ERCC4: variants seen among roughly 807,000 people sequenced by gnomAD.
ERCC4 encodes DNA repair endonuclease XPF.
ERCC4 carries 65 observed loss-of-function variants against 76.9 expected under a neutral mutation model. The observed-to-expected ratio is 0.84, with a 90% CI of 0.69 to 1.04. The LOEUF (loss-of-function observed/expected upper bound fraction) is 1.04, where lower values mean the gene tolerates loss of function less well. Among genes scored for constraint, ERCC4 ranks in the 50% least tolerant of loss-of-function variants. The probability of loss-of-function intolerance (pLI) is 0.00; values close to 1 mark genes in which losing one functional copy is unlikely to be tolerated. For missense variants in ERCC4, 1,214 were observed against 1,128.2 expected (o/e 1.08, Z -1.09); for synonymous variants, 463 against 410.1 (o/e 1.13, Z -1.56).
rs2032602366 is a variant in ERCC4 at position 13,950,077 on chromosome 16, C to T, written c.*1730C>T. ...CTGGGTTCAAGCAGTTCTCCCACCTCAGCCTCCCAAGTAGCTGGGATTATA... is the reference window on the plus strand; with the variant it reads ...CTGGGTTCAAGCAGTTCTCCCACCTTAGCCTCCCAAGTAGCTGGGATTATA... On this transcript the variant is annotated 3_prime_UTR_variant, in exon 11 of 11. Transcript: ENST00000311895. 1.0e-5 allele frequency: 2 copies of T among 192,764 alleles called. No homozygotes were observed. The highest frequency in any genetic ancestry group is 8.3e-5 in the East Asian group (1 of 12,024). The allele number at this position is 192,764 out of a possible 1,614,324, so 11.9% of individuals were successfully genotyped here. A position where few individuals can be genotyped will look rare whatever the true frequency, so the allele number is the denominator to read the frequency against.
At position 13,952,257 on chromosome 16, in the gene ERCC4, C is replaced by A; in HGVS notation, c.*3910C>A. 1 of 187,274 alleles carries A rather than the reference C, an allele frequency of 5.3e-6. No homozygotes were observed. 11.6% of individuals were successfully genotyped at this position (187,274 alleles called of 1,614,324 possible). A position where few individuals can be genotyped will look rare whatever the true frequency, so the allele number is the denominator to read the frequency against. ...ATGCATAGTGAAAGGGCATATATTA[C>A]CAGCAGTAATAATTCAAAATCCTGA... is the stretch of plus-strand genomic sequence containing the variant. On this transcript the variant is annotated 3_prime_UTR_variant, in exon 11 of 11. Transcript: ENST00000311895.
In ERCC4 at chr16:13,947,754, C is replaced by G. The variant is rs2141619989; in HGVS notation, c.2158C>G (p.Pro720Ala). ...TLEVGDYILTPEMCVERKSIS... is the reference protein window; with the variant it reads ...TLEVGDYILTAEMCVERKSIS... ...AGAGGTTGGAGATTACATCCTCACT[C>G]CAGAAATGTGCGTGGAGCGCAAGAG... Residue 720 changes from proline (P) to alanine (A), a missense_variant, in exon 11 of 11, where the codon CCA (proline) becomes GCA (alanine). Physicochemically the swap from Pro to Ala is conservative, Grantham distance 27 (BLOSUM62 -1). Coordinates refer to ENST00000311895, the MANE Select transcript of ERCC4 (RefSeq NM_005236.3). The G allele has an allele frequency of 6.2e-7, 1 of 1,614,236 alleles. No individual in the cohort carries two copies. The highest frequency in any genetic ancestry group is 8.5e-7 in the Non-Finnish European group (1 of 1,180,052).
chr16:13,938,690 A>G (rs2032353633), intron 9 of ERCC4, among the ~76,000 whole-genome samples: 2 of 152,210 alleles, frequency 1.3e-5, no homozygotes, highest in African/African-American at 4.8e-5. Flanking sequence ...GCAAACTTCC[A>G]AGCCTCAGAC....
In ERCC4 at chr16:13,933,209, G is replaced by A. The variant is rs3136133; in HGVS notation, c.1102+924G>A. On this transcript the variant is annotated intron_variant, in intron 6 of 10. Transcript: ENST00000311895. ...TACTCCAGCCTGGGTGACAGAGTAC[G>A]ACTGTGTCTCAAAACTAATAAATAA... The A allele has an allele frequency of 1.5e-4, 26 of 170,804 alleles. No homozygotes were observed. The East Asian group carries it at 4.0e-3, about 26-fold the overall frequency. 10.6% of individuals were successfully genotyped at this position (170,804 alleles called of 1,614,324 possible).
intron 4 of ERCC4, 126 bp downstream of exon 4, chr16:13,928,361 A>T (rs1281789076): frequency 1.9e-5 from 13 of 692,826 alleles, no homozygotes; most frequent in African/African-American, 7.2e-5. Flanking sequence ...GAGGTCACTT[A>T]AAAACATAGC....
chr16:13,925,048 C>T (rs921647166), intron 2 of ERCC4, among the ~76,000 whole-genome samples: 2 of 152,170 alleles, frequency 1.3e-5, no homozygotes, highest in Non-Finnish European at 2.9e-5. Flanking sequence ...TTGGAACCTT[C>T]GGCCTCCCAC....
In ERCC4 at chr16:13,950,328, C is replaced by T. The variant is rs1047686990; in HGVS notation, c.*1981C>T. On this transcript the variant is annotated 3_prime_UTR_variant, in exon 11 of 11. Transcript: ENST00000311895. Reference sequence around the variant, plus strand: ...ACATTGGCATCTTGATTTATTGGTACTTAACAGTATATATGGATTTTGAAC... The same window carrying T: ...ACATTGGCATCTTGATTTATTGGTATTTAACAGTATATATGGATTTTGAAC... 23 of 188,510 alleles carry T rather than the reference C, an allele frequency of 1.2e-4. No homozygotes were observed. Among genetic ancestry groups the T allele is most frequent in the Admixed American group, 1.2e-3 (19 of 16,176 alleles). 11.7% of individuals were successfully genotyped at this position (188,510 alleles called of 1,614,324 possible). A position where few individuals can be genotyped will look rare whatever the true frequency, so the allele number is the denominator to read the frequency against.
rs1346273463 is a variant in ERCC4, at chr16:13,935,689, C to A, written c.1757C>A (p.Thr586Asn). The A allele has an allele frequency of 6.2e-7, 1 of 1,614,040 alleles. No homozygotes were observed. Among genetic ancestry groups the A allele is most frequent in the Non-Finnish European group, 8.5e-7 (1 of 1,180,038 alleles). ...RYVVLYDAEL[T>N]FVRQLEIYRA... ...GTGGTTCTTTATGACGCAGAGCTAA[C>A]CTTTGTTCGGCAGCTTGAAATTTAC... Residue 586 changes from threonine (T) to asparagine (N), a missense_variant, in exon 8 of 11, where the codon ACC becomes AAC. By Grantham distance (65) the Thr-to-Asn change is moderately conservative. Transcript: ENST00000311895.
Position 13,948,378 on chromosome 16 carries a change from T to C in ERCC4, c.*31T>C. The C allele has an allele frequency of 6.2e-7, 1 of 1,603,066 alleles. No homozygotes were observed. The highest frequency in any genetic ancestry group is 8.5e-7 in the Non-Finnish European group (1 of 1,179,430). On this transcript the variant is annotated 3_prime_UTR_variant, in exon 11 of 11. Coordinates refer to ENST00000311895, the MANE Select transcript of ERCC4 (RefSeq NM_005236.3). ...GATGGCTGTTTTCTTATCCCATGCC[T>C]GTACTTTTCAGCGGCTCCTTGCCAG...
At chr16:13,939,713 G>A (rs1027727208) in intron 9 of ERCC4, among the ~76,000 whole-genome samples, 7 of 152,194 alleles carry the variant, frequency 4.6e-5, no homozygotes, top group African/African-American at 1.7e-4. Context: ...GCTGAGGAGT[G>A]AGTGAGGGTG....
chr16:13,923,280 A>G lies in ERCC4; in HGVS notation c.388+1069A>G, dbSNP rs189492432. On this transcript the variant is annotated intron_variant, in intron 2 of 10. Coordinates refer to ENST00000311895, the MANE Select transcript of ERCC4 (RefSeq NM_005236.3). ...TCTCACTCACAAGATAAGCTGAAGC[A>G]CAAGGAACAAGTTGTTCATCCCAGG... 7.9e-5 allele frequency among the ~76,000 whole-genome samples: 12 copies of G among 152,360 alleles called. No homozygotes were observed. The East Asian group carries it at 1.9e-3, about 24-fold the overall frequency.
intron 2 of ERCC4, 144 bp from the exon 3 acceptor site, chr16:13,926,412 ACAGGG>A: frequency 1.4e-6 from 1 of 721,248 alleles, no homozygotes; most frequent in Non-Finnish European, 2.5e-6. Flanking sequence ...TTCCTTGAGG[ACAGGG>A]ATTTATCTCT....
At position 13,948,574 on chromosome 16, in the gene ERCC4, T is replaced by G. The variant is rs1238330870; in HGVS notation, c.*227T>G. Reference sequence around the variant, plus strand: ...CCTCCCTGCACCGTCTATGCCGGGCTTAGCATGTTTCTTTTTAAATGAGGT... The same window carrying G: ...CCTCCCTGCACCGTCTATGCCGGGCGTAGCATGTTTCTTTTTAAATGAGGT... On this transcript the variant is annotated 3_prime_UTR_variant, in exon 11 of 11. Coordinates refer to ENST00000311895, the MANE Select transcript of ERCC4 (RefSeq NM_005236.3). 3 of 553,822 alleles carry G rather than the reference T, an allele frequency of 5.4e-6. No individual in the cohort carries two copies. Among genetic ancestry groups the G allele is most frequent in the Non-Finnish European group, 9.7e-6 (3 of 310,736 alleles). The allele number at this position is 553,822 out of a possible 1,614,324, so 34.3% of individuals were successfully genotyped here. A position where few individuals can be genotyped will look rare whatever the true frequency, so the allele number is the denominator to read the frequency against.
chr16:13,926,419 T>A, intron 2 of ERCC4, 142 bp from the exon 3 acceptor site: 1 of 741,896 alleles, frequency 1.3e-6, no homozygotes, highest in Non-Finnish European at 2.4e-6. Context: ...AGGACAGGGA[T>A]TTATCTCTGT....
rs1183093148 is a variant in ERCC4, at chr16:13,920,298, C to T, written c.133C>T (p.Leu45Phe). ...CCGCGGGCTCGGCGCGGACCGGCTC[C>T]TCTACCACTTTCTCCAGCTGCACTG... ...CARGLGADRL[L>F]YHFLQLHCHP... The change falls in exon 1 of 11, where the codon CTC becomes TTC. Residue 45 changes from leucine (L) to phenylalanine (F), a missense_variant. Coordinates refer to ENST00000311895, the MANE Select transcript of ERCC4 (RefSeq NM_005236.3). 2 of 1,603,974 alleles carry T rather than the reference C, an allele frequency of 1.2e-6. No homozygotes were observed. Among genetic ancestry groups the T allele is most frequent in the Admixed American group, 1.7e-5 (1 of 59,958 alleles).
intron 2 of ERCC4, 113 bp from the exon 3 acceptor site, chr16:13,926,448 C>T: frequency 1.1e-6 from 1 of 888,976 alleles, no homozygotes; most frequent in Non-Finnish European, 1.9e-6. Context: ...TGGCTATATG[C>T]CCAGTCTAGA....
At position 13,947,762 on chromosome 16, in the gene ERCC4, G is replaced by T. The variant is rs1567253662; in HGVS notation, c.2166G>T (p.Met722Ile). The T allele has an allele frequency of 1.2e-6, 2 of 1,614,242 alleles. No homozygotes were observed. The highest frequency in any genetic ancestry group is 4.5e-5 in the East Asian group (2 of 44,890). The change falls in exon 11 of 11, where the codon ATG becomes ATT. Residue 722 changes from methionine (M) to isoleucine (I), a missense_variant. Met to Ile is a conservative substitution (Grantham distance 10, BLOSUM62 1). Coordinates refer to ENST00000311895, the MANE Select transcript of ERCC4 (RefSeq NM_005236.3). ...EVGDYILTPE[M>I]CVERKSISDL... The stretch of plus-strand genomic sequence containing the variant: ...GAGATTACATCCTCACTCCAGAAAT[G>T]TGCGTGGAGCGCAAGAGTATCAGTG...
intron 1 of ERCC4, among the ~76,000 whole-genome samples, 194 bp from the exon 2 acceptor site, chr16:13,921,837 A>G (rs1234230305): frequency 3.3e-5 from 5 of 152,216 alleles, no homozygotes; most frequent in Non-Finnish European, 7.3e-5. Context: ...TCCTTAGTGT[A>G]AACCCCAAAA....
At position 13,935,550 on chromosome 16, in the gene ERCC4, T is replaced by G; in HGVS notation, c.1618T>G (p.Ser540Ala). 6.2e-7 allele frequency: 1 copy of G among 1,614,208 alleles called. No homozygotes were observed. The change falls in exon 8 of 11, where the codon TCG (serine) becomes GCG (alanine). Residue 540 changes from serine to alanine, a missense_variant. Coordinates refer to ENST00000311895, the MANE Select transcript of ERCC4 (RefSeq NM_005236.3). ...TGAAGAATTTGATGTAAATTTGTCA[T>G]CGGATGCTGCTTTCGGAATCCTGAA... ...KHEEFDVNLS[S>A]DAAFGILKEP...
Sources: gnomAD v4.1 joint callset for allele counts (sites outside exome capture counted in the v4.1 genomes callset) on GRCh38, gnomAD v4.1.1 for gene constraint, MANE v1.5 for transcripts, NCBI Gene and HGNC (gene_info 2026-07-23, HGNC 2026-07-21) for gene names.